Variants in SLC44A2 observed in about 807,000 individuals in gnomAD.
The protein encoded by SLC44A2 is solute carrier family 44 member 2 (CTL2 blood group), also known as choline transporter-like protein 2.
Under a neutral mutation model 90.8 loss-of-function variants are expected in SLC44A2, and 57 were observed. The observed-to-expected ratio is 0.63, with a 90% CI of 0.51 to 0.78. SLC44A2 has a LOEUF of 0.78. Ranked by LOEUF, SLC44A2 falls within the 30% of genes least tolerant of loss-of-function variation. The pLI is 0.00. For synonymous variants in SLC44A2, 355 were observed against 360.7 expected, an observed-to-expected ratio of 0.98 and a Z score of 0.18; for missense variants, 794 against 919.7, an observed-to-expected ratio of 0.86 and a Z score of 1.77.
At chr19:10,612,593 G>A (rs571989426) in intron 1 of SLC44A2, among the ~76,000 whole-genome samples, 4 of 152,338 alleles carry the variant, frequency 2.6e-5, no homozygotes, top group Admixed American at 2.6e-4. Flanking sequence ...GAGGCCAGTG[G>A]CTGGCTGTAC....
At chr19:10,637,615 A>C in intron 16 of SLC44A2, 29 bp from the exon 17 acceptor site, 1 of 1,602,504 alleles carries the variant, frequency 6.2e-7, no homozygotes, top group Non-Finnish European at 8.5e-7. Flanking sequence ...GTGTCCCCTC[A>C]CTTCCACATC....
chr19:10,605,515 G>GAAATAAAT (rs377003052), intron 1 of SLC44A2, among the ~76,000 whole-genome samples: 5 of 150,724 alleles, frequency 3.3e-5, no homozygotes, highest in African/African-American at 9.7e-5. Context: ...ATTCAGTCTC[G>GAAATAAAT]AAATAAATAA....
Position 10,634,903 on chromosome 19 carries a change from C to T in SLC44A2, c.955+16C>T. 2 of 1,614,178 alleles carry T rather than the reference C, an allele frequency of 1.2e-6. No individual in the cohort carries two copies. Among genetic ancestry groups the T allele is most frequent in the African/African-American group, 1.3e-5 (1 of 75,044 alleles). ...TTGGCCTTTAGTGAGTCACAGTCTC[C>T]CATTCCTGCCCCCACATGAGGCCTT... On this transcript the variant is annotated intron_variant, in intron 11 of 21. Coordinates refer to ENST00000335757, the MANE Select transcript of SLC44A2 (RefSeq NM_020428.4).
At position 10,627,800 on chromosome 19, in the gene SLC44A2, G is replaced by A. The variant is rs2066950007; in HGVS notation, c.160+5G>A. On this transcript the variant is annotated splice_donor_5th_base_variant and intron_variant, in intron 3 of 21. Coordinates refer to ENST00000335757, the MANE Select transcript of SLC44A2 (RefSeq NM_020428.4). ...ACGTGGCTGTAGGCATCATAGGTGA[G>A]TAGAGAATGAGCAGGACTTGGAGTT... 1 of 1,614,022 alleles carries A rather than the reference G, an allele frequency of 6.2e-7. No individual in the cohort carries two copies. The highest frequency in any genetic ancestry group is 1.7e-5 in the Admixed American group (1 of 59,974).
rs1304415662 is a variant in SLC44A2, at chr19:10,632,142, T to C, written c.809T>C (p.Leu270Pro). The C allele has an allele frequency of 1.2e-6, 2 of 1,614,016 alleles. No homozygotes were observed. The highest frequency in any genetic ancestry group is 3.3e-5 in the Admixed American group (2 of 60,006). ...MVWVMIIMVI[L>P]VLGYGIFHCY... is the part of the protein sequence containing the mutation. ...TGGGTGATGATCATCATGGTGATTC[T>C]GGTGCTGGGCTACGGTGCGTCACCC... Residue 270 changes from leucine to proline, a missense_variant, in exon 10 of 22, where the codon CTG becomes CCG. Transcript: ENST00000335757.
Position 10,607,958 on chromosome 19 carries a change from C to T in SLC44A2, c.31+5397C>T, listed in dbSNP as rs373683714. On this transcript the variant is annotated intron_variant, in intron 1 of 21. Coordinates refer to the SLC44A2 transcript ENST00000407327. ...ATTTTTAGTAGAGACGGGATTTCAC[C>T]GTGGTCTCGATCTCCTGACCTCGTG... 1.6e-3 allele frequency among the ~76,000 whole-genome samples: 243 copies of T among 147,332 alleles called. 2 individuals carry two copies. The highest frequency in any genetic ancestry group is 5.8e-3 in the African/African-American group (236 of 40,536).
Position 10,644,040 on chromosome 19 carries a change from G to A in SLC44A2, c.*655G>A, listed in dbSNP as rs576972484. ...GGGTGTCTCCTGGCTGGGAAGGAGG[G>A]AAAGGGAGGGAGAGTTTTGCGGGGG... On this transcript the variant is annotated 3_prime_UTR_variant, in exon 22 of 22. Transcript: ENST00000335757. 336 of 152,822 alleles carry A rather than the reference G, an allele frequency of 2.2e-3. 2 individuals carry two copies. The highest frequency in any genetic ancestry group is 3.3e-3 in the Middle Eastern group (1 of 300). 9.5% of individuals were successfully genotyped at this position (152,822 alleles called of 1,614,324 possible).
intron 1 of SLC44A2, 54 bp downstream of exon 1, chr19:10,625,724 G>A (rs2066926115): frequency 1.6e-6 from 2 of 1,227,368 alleles, no homozygotes. Context: ...TCCCTCGGAG[G>A]GGGCCTTGAG....
At chr19:10,640,264 T>A (rs1032139155) in intron 20 of SLC44A2, among the ~76,000 whole-genome samples, 3 of 152,150 alleles carry the variant, frequency 2.0e-5, no homozygotes, top group African/African-American at 7.2e-5. Context: ...CTAATTTTTG[T>A]ATTTTTAGTA....
Position 10,642,335 on chromosome 19 carries a change from G to A in SLC44A2, c.1930-32G>A, listed in dbSNP as rs370526644. Reference sequence around the variant, plus strand: ...GTGGGGGCTGCTCTGGGAAGGACACGGAGCAGGGACAGCTCGTTTCTCCTT... The same window carrying A: ...GTGGGGGCTGCTCTGGGAAGGACACAGAGCAGGGACAGCTCGTTTCTCCTT... On this transcript the variant is annotated intron_variant, in intron 20 of 21. Coordinates refer to ENST00000335757, the MANE Select transcript of SLC44A2 (RefSeq NM_020428.4). The A allele has an allele frequency of 1.4e-4, 224 of 1,593,802 alleles. 10 individuals carry two copies. Among genetic ancestry groups the A allele is most frequent in the East Asian group, 8.0e-4 (36 of 44,758 alleles).
chr19:10,602,707 AT>A (rs1348686434), intron 1 of SLC44A2: 3 of 720,460 alleles, frequency 4.2e-6, no homozygotes, highest in African/African-American at 1.9e-5. Flanking sequence ...CACTGCGCGG[AT>A]CCCACGCCCC....
intron 1 of SLC44A2, among the ~76,000 whole-genome samples, chr19:10,613,390 C>T (rs2066829331): frequency 1.3e-5 from 2 of 152,030 alleles, no homozygotes. Flanking sequence ...GCTGGGACTA[C>T]AGGCGCCCAC....
upstream of SLC44A2, among the ~76,000 whole-genome samples, chr19:10,624,590 GC>G (rs1568447108): frequency 6.6e-6 from 1 of 152,270 alleles, no homozygotes; most frequent in African/African-American, 2.4e-5. Context: ...ACTGCACCTG[GC>G]CTATGCCTGC....
rs775517854 is a variant in SLC44A2, at chr19:10,625,556, G to T, written c.-78G>T. The T allele has an allele frequency of 3.6e-4, 443 of 1,232,364 alleles. 2 individuals carry two copies. Among genetic ancestry groups the T allele is most frequent in the Non-Finnish European group, 4.3e-4 (426 of 986,946 alleles). The allele number at this position is 1,232,364 out of a possible 1,614,324, so 76.3% of individuals were successfully genotyped here. ...AGCCGCCGCCAGTCGCGCGGTCAGTGCCTCCCTCCAGACTCGGGAGGGTCG... is the reference window on the plus strand; with the variant it reads ...AGCCGCCGCCAGTCGCGCGGTCAGTTCCTCCCTCCAGACTCGGGAGGGTCG... On this transcript the variant is annotated 5_prime_UTR_variant, in exon 1 of 22. Transcript: ENST00000335757.
intron 2 of SLC44A2, among the ~76,000 whole-genome samples, chr19:10,626,564 C>T (rs2066936171): frequency 6.9e-6 from 1 of 145,960 alleles, no homozygotes. Context: ...CAGGCTTGCA[C>T]CACCACACCT....
In SLC44A2 at chr19:10,627,815, G is replaced by C; in HGVS notation, c.160+20G>C. The C allele has an allele frequency of 1.9e-6, 3 of 1,614,114 alleles. No homozygotes were observed. Among genetic ancestry groups the C allele is most frequent in the Non-Finnish European group, 2.5e-6 (3 of 1,179,986 alleles). On this transcript the variant is annotated intron_variant, in intron 3 of 21. Transcript: ENST00000335757. ...TCATAGGTGAGTAGAGAATGAGCAGGACTTGGAGTTGCAGGGTAGGCGGAG... is the reference window on the plus strand; with the variant it reads ...TCATAGGTGAGTAGAGAATGAGCAGCACTTGGAGTTGCAGGGTAGGCGGAG...
chr19:10,643,178 CCT>C (rs1235134615), intron 21 of SLC44A2, 99 bp from the exon 22 acceptor site: 1 of 1,482,716 alleles, frequency 6.7e-7, no homozygotes, highest in Admixed American at 2.3e-5. Context: ...GCTTTCTAAC[CCT>C]CTGAGGCTTC....
At chr19:10,641,091 G>C (rs2067110486) in intron 20 of SLC44A2, 1 of 338,330 alleles carries the variant, frequency 3.0e-6, no homozygotes, top group Non-Finnish European at 5.4e-6. Context: ...CGTCTCAGGA[G>C]GGAAAAAAAA....
chr19:10,632,008 G>C (rs756752868), intron 9 of SLC44A2, 36 bp from the exon 10 acceptor site: 2 of 1,613,710 alleles, frequency 1.2e-6, no homozygotes, highest in Non-Finnish European at 1.7e-6. Context: ...CCTGGCTGAG[G>C]GTGGAGTCTG....
Sources: allele counts gnomAD v4.1 joint callset (sites outside exome capture counted in the v4.1 genomes callset), GRCh38; gene constraint gnomAD v4.1.1; transcripts MANE v1.5; gene names NCBI Gene and HGNC (gene_info 2026-07-23, HGNC 2026-07-21).